Variants in COLGALT2 observed in about 807,000 individuals in gnomAD.
COLGALT2 encodes procollagen galactosyltransferase 2.
COLGALT2 carries 49 observed loss-of-function variants against 73.4 expected under a neutral mutation model. The ratio of observed to expected loss-of-function variants is 0.67; its 90% CI spans 0.53 to 0.85. The LOEUF (loss-of-function observed/expected upper bound fraction) is 0.85, where lower values mean the gene tolerates loss of function less well. Among genes scored for constraint, COLGALT2 ranks in the 40% least tolerant of loss-of-function variants. The pLI is 0.00. For missense variants in COLGALT2, 722 were observed against 790.2 expected (o/e 0.91, Z 1.03); for synonymous variants, 295 against 307.6 (o/e 0.96, Z 0.43).
chr1:183,949,558 T>C (rs1029076332), intron 8 of COLGALT2, among the ~76,000 whole-genome samples: 9 of 152,162 alleles, frequency 5.9e-5, no homozygotes, highest in African/African-American at 9.7e-5. Flanking sequence ...CCCTGCCTCA[T>C]GCCATATACA....
At chr1:183,995,180 A>C (rs1039833334) in intron 1 of COLGALT2, among the ~76,000 whole-genome samples, 1 of 152,258 alleles carries the variant, frequency 6.6e-6, no homozygotes, top group Non-Finnish European at 1.5e-5. Flanking sequence ...TTGTAGCAAG[A>C]AAATTGCAAA....
At chr1:183,941,401 T>C (rs1393355029) in intron 10 of COLGALT2, among the ~76,000 whole-genome samples, 2 of 152,216 alleles carry the variant, frequency 1.3e-5, no homozygotes, top group South Asian at 4.1e-4. Flanking sequence ...CTCCCAGACA[T>C]GCTGCTCTGA....
At chr1:183,944,140 T>C in intron 10 of COLGALT2, 56 bp downstream of exon 10, 2 of 1,537,512 alleles carry the variant, frequency 1.3e-6, no homozygotes, top group Non-Finnish European at 1.7e-6. Context: ...TCTCTGCGCA[T>C]TGGAAAGGAC....
At chr1:183,933,420 C>G (rs146600710), downstream of COLGALT2, among the ~76,000 whole-genome samples, 421 of 152,314 alleles carry the variant, frequency 2.8e-3, 3 homozygotes, top group Admixed American at 5.4e-3. Flanking sequence ...TGGTTTCCTC[C>G]CCTGAGCTAG....
rs377258010 is a variant in COLGALT2 at position 183,981,411 on chromosome 1, G to C, written c.264-2891C>G. Among the ~76,000 whole-genome samples the C allele has an allele frequency of 3.7e-4, 57 of 152,210 alleles. No individual in the cohort carries two copies. The East Asian group carries it at 0.01, about 28-fold the overall frequency. On this transcript the variant is annotated intron_variant, in intron 1 of 11. Transcript: ENST00000361927. ...CTCATGCCCGCAATTGCAGCACTTTGGGAGGCCAAGGTGAGCAGATCATTT... is the reference window on the plus strand; with the variant it reads ...CTCATGCCCGCAATTGCAGCACTTTCGGAGGCCAAGGTGAGCAGATCATTT...
chr1:184,009,685 C>A (rs1327043581), intron 1 of COLGALT2, among the ~76,000 whole-genome samples: 1 of 152,138 alleles, frequency 6.6e-6, no homozygotes, highest in Non-Finnish European at 1.5e-5. Flanking sequence ...TTTTCCAAAT[C>A]ACTGAATGCC....
intron 1 of COLGALT2, among the ~76,000 whole-genome samples, chr1:184,011,487 T>C (rs1413066202): frequency 6.6e-6 from 1 of 152,220 alleles, no homozygotes; most frequent in African/African-American, 2.4e-5. Context: ...CTTTTCCTTG[T>C]TTACTGCCAT....
At chr1:183,994,643 C>T (rs191866897) in intron 1 of COLGALT2, among the ~76,000 whole-genome samples, 141 of 152,094 alleles carry the variant, frequency 9.3e-4, no homozygotes, top group Non-Finnish European at 1.7e-3. Context: ...TTAGTAGAGA[C>T]GGGGTTTCAC....
At chr1:183,953,282 T>C (rs2102797745) in intron 7 of COLGALT2, among the ~76,000 whole-genome samples, 1 of 152,212 alleles carries the variant, frequency 6.6e-6, no homozygotes, top group East Asian at 1.9e-4. Flanking sequence ...TTTTCTACCA[T>C]GCTATCTCTG....
At chr1:183,935,713 G>T (rs943342172), downstream of COLGALT2, 3 of 344,864 alleles carry the variant, frequency 8.7e-6, no homozygotes, top group African/African-American at 4.5e-5. Context: ...CATTTGCCAT[G>T]GGGATCACAC....
chr1:183,962,154 C>CTTTTTTTTTTTTTTTT lies in COLGALT2; in HGVS notation c.952+1731_952+1746dup, dbSNP rs34873073. 1.4e-4 allele frequency among the ~76,000 whole-genome samples: 12 copies of CTTTTTTTTTTTTTTTT among 85,540 alleles called. 1 individual carries two copies. Among genetic ancestry groups the CTTTTTTTTTTTTTTTT allele is most frequent in the South Asian group, 5.0e-4 (1 of 1,990 alleles). The allele number at this position is 85,540 out of a possible 152,430, so 56.1% of individuals were successfully genotyped here. ...TTTCTTTTCTTTTCTTTTTCTCTTT[C>CTTTTTTTTTTTTTTTT]TTTTTTTTTTTTTTTTTTTTTTTGA... On this transcript the variant is annotated intron_variant, in intron 6 of 11. Transcript: ENST00000361927.
At chr1:184,019,791 C>A (rs1234045571) in intron 1 of COLGALT2, among the ~76,000 whole-genome samples, 1 of 152,114 alleles carries the variant, frequency 6.6e-6, no homozygotes, top group Non-Finnish European at 1.5e-5. Context: ...GGACAGTATT[C>A]AAATGATTTC....
rs543747627 is a variant in COLGALT2, at chr1:183,997,571, T to TA, written c.264-19052dup. Among the ~76,000 whole-genome samples, 151 of 152,296 alleles carry TA rather than the reference T, an allele frequency of 9.9e-4. 1 individual carries two copies. Among genetic ancestry groups the TA allele is most frequent in the African/African-American group, 1.1e-3 (47 of 41,568 alleles). On this transcript the variant is annotated intron_variant, in intron 1 of 11. Coordinates refer to ENST00000361927, the MANE Select transcript of COLGALT2 (RefSeq NM_015101.4). ...AACACTAACGATAGCTGATGAGCTA[T>TA]AAAAAAATTGCAAAAACAACCTCAT...
chr1:184,033,250 T>C (rs80204568), intron 1 of COLGALT2, among the ~76,000 whole-genome samples: 3 of 152,300 alleles, frequency 2.0e-5, no homozygotes, highest in African/African-American at 7.2e-5. Context: ...TCCCTAATCA[T>C]AGGTTTAAGG....
intron 1 of COLGALT2, among the ~76,000 whole-genome samples, chr1:183,988,811 T>G (rs186366212): frequency 6.6e-6 from 1 of 152,292 alleles, no homozygotes; most frequent in East Asian, 1.9e-4. Flanking sequence ...CATGTACAGG[T>G]TTTTGTGTGA....
At chr1:183,977,836 A>AGAGAAAGAAG (rs1263866415) in intron 2 of COLGALT2, among the ~76,000 whole-genome samples, 2,125 of 132,298 alleles carry the variant, frequency 0.016, 72 homozygotes, top group African/African-American at 0.059. Context: ...GAGAGAGAGA[A>AGAGAAAGAAG]AGAAGAGAAG....
intron 1 of COLGALT2, among the ~76,000 whole-genome samples, chr1:184,006,259 C>T (rs1322838664): frequency 1.3e-5 from 2 of 152,142 alleles, no homozygotes; most frequent in Non-Finnish European, 2.9e-5. Context: ...TTAACTGCAA[C>T]TCTGGTTATT....
intron 5 of COLGALT2, among the ~76,000 whole-genome samples, chr1:183,967,169 T>G (rs752971333): frequency 6.6e-6 from 1 of 152,390 alleles, no homozygotes; most frequent in Middle Eastern, 3.4e-3. Flanking sequence ...AAATCCACAG[T>G]TGTCAAGAAA....
rs779064937 is a variant in COLGALT2 at position 183,975,173 on chromosome 1, G to C, written c.416C>G (p.Ser139Cys). 1 of 1,614,070 alleles carries C rather than the reference G, an allele frequency of 6.2e-7. No individual in the cohort carries two copies. The highest frequency in any genetic ancestry group is 1.1e-5 in the South Asian group (1 of 91,070). ...TAGTTTCATCACATGGGCAAACCGG[G>C]AGGTTGGCCAGTGCTTTGGTCCAAT... ...DEIGPKHWPT[S>C]RFAHVMKLRQ... Residue 139 changes from serine to cysteine, a missense_variant, in exon 3 of 12, where the codon TCC becomes TGC. Transcript: ENST00000361927.
Sources: allele counts gnomAD v4.1 joint callset (sites outside exome capture counted in the v4.1 genomes callset), GRCh38; gene constraint gnomAD v4.1.1; transcripts MANE v1.5; gene names NCBI Gene and HGNC (gene_info 2026-07-23, HGNC 2026-07-21).